Variants in EIF4B observed in about 807,000 individuals in gnomAD.
EIF4B encodes the protein eukaryotic translation initiation factor 4B.
In EIF4B, 8 loss-of-function variants were observed where a neutral mutation model predicts 79.3. The observed-to-expected ratio is 0.10, with a 90% CI of 0.06 to 0.18. The LOEUF is 0.18. EIF4B is among the 10% of genes least tolerant of loss of function. The pLI is 1.00. For missense variants in EIF4B, 515 were observed against 792.4 expected, an observed-to-expected ratio of 0.65 and a Z score of 4.20; for synonymous variants, 238 against 274.7, an observed-to-expected ratio of 0.87 and a Z score of 1.32.
chr12:53,037,335 A>G, intron 10 of EIF4B, 74 bp from the exon 11 acceptor site: 1 of 1,511,574 alleles, frequency 6.6e-7, no homozygotes, highest in East Asian at 2.4e-5. Context: ...ACCATTTTCC[A>G]CACTGTTGAG....
At chr12:53,020,075 C>T (rs1299258239) in intron 4 of EIF4B, 49 bp downstream of exon 4, 1 of 1,469,548 alleles carries the variant, frequency 6.8e-7, no homozygotes, top group Non-Finnish European at 9.3e-7. Context: ...TCACAAATCT[C>T]ATGTTTATTG....
intron 4 of EIF4B, chr12:53,021,596 A>AC: frequency 1.5e-6 from 1 of 657,792 alleles, no homozygotes; most frequent in Non-Finnish European, 2.8e-6. Context: ...AGTATAATTG[A>AC]CCTAATATTC....
intron 1 of EIF4B, among the ~76,000 whole-genome samples, chr12:53,015,828 AT>A (rs1943140219): frequency 6.6e-6 from 1 of 151,838 alleles, no homozygotes. Flanking sequence ...AACACAAAAA[AT>A]TAGCTGGGCA....
chr12:53,014,371 C>T (rs1943114743), intron 1 of EIF4B, among the ~76,000 whole-genome samples: 1 of 151,446 alleles, frequency 6.6e-6, no homozygotes, highest in South Asian at 2.1e-4. Flanking sequence ...TGAGATCGCG[C>T]CACTGCACTC....
chr12:53,041,134 C>T lies in EIF4B; in HGVS notation c.*911C>T, dbSNP rs370396462. The T allele has an allele frequency of 7.2e-5, 11 of 152,186 alleles. No homozygotes were observed. The highest frequency in any genetic ancestry group is 2.1e-4 in the South Asian group (1 of 4,826). 9.4% of individuals were successfully genotyped at this position (152,186 alleles called of 1,614,324 possible). On this transcript the variant is annotated 3_prime_UTR_variant, in exon 15 of 15. Transcript: ENST00000262056. ...TAAAAATTTAGACTCTTATCATCAT[C>T]TTAAGTTCTTCATGCTACTCTTAAC...
At chr12:53,012,619 T>C (rs1246929823) in intron 1 of EIF4B, among the ~76,000 whole-genome samples, 1 of 151,338 alleles carries the variant, frequency 6.6e-6, no homozygotes, top group Non-Finnish European at 1.5e-5. Flanking sequence ...TTCTTTTTTT[T>C]GTGGGGGACG....
chr12:53,035,568 CTG>C (rs1447842652), intron 10 of EIF4B, among the ~76,000 whole-genome samples: 1 of 151,890 alleles, frequency 6.6e-6, no homozygotes, highest in Non-Finnish European at 1.5e-5. Context: ...TGGGGTTTCA[CTG>C]TGTTAGCCAG....
At chr12:53,020,311 C>T (rs746871998) in intron 4 of EIF4B, among the ~76,000 whole-genome samples, 1 of 152,192 alleles carries the variant, frequency 6.6e-6, no homozygotes, top group Non-Finnish European at 1.5e-5. Context: ...ACTGATTTAC[C>T]CACAGTGTTG....
rs1177018756 is a variant in EIF4B, at chr12:53,006,952, T to TG, written c.13+463dup. On this transcript the variant is annotated intron_variant, in intron 1 of 14. Transcript: ENST00000262056. Reference sequence around the variant, plus strand: ...GTGGGGGGTAGGGGAGTAAGTGTGGTGGGGGGGAGCAGTTGGAACGCGAGC... The same window carrying TG: ...GTGGGGGGTAGGGGAGTAAGTGTGGTGGGGGGGGAGCAGTTGGAACGCGAGC... 3.0e-4 allele frequency among the ~76,000 whole-genome samples: 8 copies of TG among 26,478 alleles called. No individual in the cohort carries two copies. In the East Asian group the frequency reaches 4.0e-3, roughly 13 times the overall value. The allele number at this position is 26,478 out of a possible 152,430, so 17.4% of individuals were successfully genotyped here. A position where few individuals can be genotyped will look rare whatever the true frequency, so the allele number is the denominator to read the frequency against.
At chr12:53,037,651 T>C (rs1052028560) in intron 11 of EIF4B, 29 bp downstream of exon 11, 1 of 1,608,472 alleles carries the variant, frequency 6.2e-7, no homozygotes, top group African/African-American at 1.3e-5. Context: ...AGTAGTTGGT[T>C]AACTGCAGAT....
At position 53,038,500 on chromosome 12, in the gene EIF4B, C is replaced by T. The variant is rs1490084070; in HGVS notation, c.1576+89C>T. 9 of 1,290,024 alleles carry T rather than the reference C, an allele frequency of 7.0e-6. No homozygotes were observed. In the African/African-American group the frequency reaches 9.1e-5, roughly 13 times the overall value. The allele number at this position is 1,290,024 out of a possible 1,614,324, so 79.9% of individuals were successfully genotyped here. ...TTAGATTTTGAAGAGCAGTGTGTCT[C>T]GCACCTGATACCGTGTTAAGAGTTC... On this transcript the variant is annotated intron_variant, in intron 12 of 14. Coordinates refer to ENST00000262056, the MANE Select transcript of EIF4B (RefSeq NM_001417.7).
At chr12:53,038,643 C>G (rs1943577668) in intron 12 of EIF4B, 1 of 216,842 alleles carries the variant, frequency 4.6e-6, no homozygotes, top group African/African-American at 2.3e-5. Context: ...GAAACCCCGT[C>G]TCTATTAAAA....
At chr12:53,034,510 C>T in intron 9 of EIF4B, 102 bp from the exon 10 acceptor site, 1 of 1,044,168 alleles carries the variant, frequency 9.6e-7, no homozygotes. Flanking sequence ...TGCATATACA[C>T]ATATAGATGA....
intron 10 of EIF4B, 136 bp from the exon 11 acceptor site, chr12:53,037,273 A>C: frequency 3.1e-5 from 28 of 901,052 alleles, no homozygotes; most frequent in Non-Finnish European, 4.2e-5. Flanking sequence ...AATACTTGTA[A>C]ACCACTGGTT....
chr12:53,010,709 T>G (rs1408868755), intron 1 of EIF4B, among the ~76,000 whole-genome samples: 2 of 152,082 alleles, frequency 1.3e-5, no homozygotes, highest in African/African-American at 2.4e-5. Flanking sequence ...TGCAGTGGCG[T>G]GGTCTCAGCT....
intron 2 of EIF4B, among the ~76,000 whole-genome samples, chr12:53,017,849 C>A (rs549477469): frequency 3.3e-5 from 5 of 152,286 alleles, no homozygotes; most frequent in African/African-American, 1.2e-4. Context: ...CCTCAGCCTC[C>A]CAAAGTGCTG....
At chr12:53,007,821 T>C (rs1463256597) in intron 1 of EIF4B, among the ~76,000 whole-genome samples, 1 of 152,230 alleles carries the variant, frequency 6.6e-6, no homozygotes. Flanking sequence ...GTGTAACGCT[T>C]GACAGTTGAC....
intron 4 of EIF4B, 30 bp downstream of exon 4, chr12:53,020,056 G>C (rs371484177): frequency 5.2e-6 from 8 of 1,539,972 alleles, no homozygotes; most frequent in Non-Finnish European, 7.0e-6. Flanking sequence ...GGATATGAGG[G>C]GTGTAAGTTC....
rs1404560927 is a variant in EIF4B at position 53,028,141 on chromosome 12, G to C, written c.932G>C (p.Ser311Thr). 11 of 1,613,396 alleles carry C rather than the reference G, an allele frequency of 6.8e-6. No homozygotes were observed. The highest frequency in any genetic ancestry group is 1.6e-4 in the Middle Eastern group (1 of 6,080). ...RYDRRDDRSW[S>T]SRDDYSRDDY... ...GACAGACGGGATGATCGGTCGTGGA[G>C]CTCCAGAGATGATTACTCTCGGGAT... The change falls in exon 8 of 15, where the codon AGC becomes ACC. Residue 311 changes from serine (S) to threonine (T), a missense_variant. Physicochemically the swap from Ser to Thr is moderately conservative, Grantham distance 58. This residue lies in a region of EIF4B where 187 missense variants were observed against 256.5 expected (regional missense o/e 0.73). Coordinates refer to ENST00000262056, the MANE Select transcript of EIF4B (RefSeq NM_001417.7).
Sources: gnomAD v4.1 joint callset for allele counts (sites outside exome capture counted in the v4.1 genomes callset) on GRCh38, gnomAD v4.1.1 for gene constraint, gnomAD v4.1.1 regional missense constraint, MANE v1.5 for transcripts, NCBI Gene and HGNC (gene_info 2026-07-23, HGNC 2026-07-21) for gene names.